Variants in SLC35D4 observed in about 807,000 individuals in gnomAD.
The protein encoded by SLC35D4 is UDP-N-acetylglucosamine transporter SLC35D4.
chr18:23,299,827 C>T, the SLC35D4 span, among the ~76,000 whole-genome samples: 5 of 152,228 alleles, frequency 3.3e-5, no homozygotes, highest in South Asian at 4.2e-4. Context: ...GAGAGGGAGC[C>T]GAGGGAGACT....
the SLC35D4 span, among the ~76,000 whole-genome samples, chr18:23,287,243 T>A: frequency 6.6e-6 from 1 of 152,290 alleles, no homozygotes; most frequent in East Asian, 1.9e-4. Flanking sequence ...GCCAAACCCA[T>A]ATACTCTCCT....
At chr18:23,303,802 G>A in the SLC35D4 span, among the ~76,000 whole-genome samples, 1 of 151,998 alleles carries the variant, frequency 6.6e-6, no homozygotes, top group Non-Finnish European at 1.5e-5. Context: ...TTGGGAAGCT[G>A]AGGCATGAGA....
At chr18:23,286,272 G>A in the SLC35D4 span, among the ~76,000 whole-genome samples, 1,612 of 152,240 alleles carry the variant, frequency 0.011, 26 homozygotes, top group African/African-American at 0.037. Context: ...AAACCGCAGT[G>A]GCCAGGCATT....
the SLC35D4 span, among the ~76,000 whole-genome samples, chr18:23,365,956 T>C: frequency 7.9e-4 from 121 of 152,362 alleles, no homozygotes; most frequent in African/African-American, 2.8e-3. Context: ...ACCCTAGTTA[T>C]GATCATACTC....
the SLC35D4 span, among the ~76,000 whole-genome samples, chr18:23,425,666 C>G: frequency 2.0e-5 from 3 of 152,164 alleles, no homozygotes; most frequent in Non-Finnish European, 2.9e-5. Context: ...AAGAGCAAAA[C>G]TCAAAAGCTG....
chr18:23,358,461 A>C, the SLC35D4 span, among the ~76,000 whole-genome samples: 6 of 151,262 alleles, frequency 4.0e-5, no homozygotes, highest in Non-Finnish European at 4.4e-5. Flanking sequence ...AGAAAAAAAA[A>C]CACAGTCCTC....
the SLC35D4 span, among the ~76,000 whole-genome samples, chr18:23,353,076 A>AGTGTGTGTGTGTGTGTGTGTGTGTGTGT: frequency 8.1e-4 from 103 of 126,580 alleles, 4 homozygotes; most frequent in East Asian, 2.9e-3. Context: ...TGAGACAGAC[A>AGTGTGTGTGTGTGTGTGTGTGTGTGTGT]GTGTGTGTGT....
the SLC35D4 span, among the ~76,000 whole-genome samples, chr18:23,274,537 C>T: frequency 6.6e-6 from 1 of 152,206 alleles, no homozygotes; most frequent in African/African-American, 2.4e-5. Flanking sequence ...CTAAAAGTCT[C>T]CATCCCCAGC....
chr18:23,318,563 C>T, the SLC35D4 span, among the ~76,000 whole-genome samples: 12 of 152,158 alleles, frequency 7.9e-5, no homozygotes, highest in Non-Finnish European at 1.3e-4. Context: ...ATAGATATAT[C>T]ATGGTTTCCT....
the SLC35D4 span, chr18:23,259,688 G>A: frequency 6.6e-6 from 1 of 152,278 alleles, no homozygotes; most frequent in East Asian, 1.9e-4. Context: ...GAGAGATGCA[G>A]GTCACTGCCA....
the SLC35D4 span, among the ~76,000 whole-genome samples, chr18:23,290,688 G>A: frequency 7.3e-5 from 11 of 150,644 alleles, no homozygotes; most frequent in African/African-American, 1.7e-4. Context: ...GTGCAATGGC[G>A]CATCCTTGAC....
chr18:23,270,486 A>G, the SLC35D4 span, among the ~76,000 whole-genome samples: 1 of 152,214 alleles, frequency 6.6e-6, no homozygotes, highest in Non-Finnish European at 1.5e-5. Flanking sequence ...CGCCTAGTGG[A>G]ACCATGAGAA....
the SLC35D4 span, among the ~76,000 whole-genome samples, chr18:23,408,656 A>G: frequency 6.6e-6 from 1 of 152,242 alleles, no homozygotes; most frequent in African/African-American, 2.4e-5. Context: ...ACAATTTCAA[A>G]TTCAATAAAC....
the SLC35D4 span, among the ~76,000 whole-genome samples, chr18:23,316,106 G>A: frequency 2.0e-5 from 3 of 152,216 alleles, no homozygotes; most frequent in Non-Finnish European, 4.4e-5. Context: ...GTTAACATGT[G>A]AGAGTTCTCT....
At chr18:23,403,518 G>A in the SLC35D4 span, among the ~76,000 whole-genome samples, 1 of 152,198 alleles carries the variant, frequency 6.6e-6, no homozygotes, top group African/African-American at 2.4e-5. Flanking sequence ...AGAAGAAATT[G>A]GAGGAAGGCA....
At chr18:23,302,326 C>T in the SLC35D4 span, among the ~76,000 whole-genome samples, 1 of 152,190 alleles carries the variant, frequency 6.6e-6, no homozygotes, top group Non-Finnish European at 1.5e-5. Flanking sequence ...CTCCACTAGC[C>T]CCCATGAACT....
At chr18:23,314,215 G>T in the SLC35D4 span, among the ~76,000 whole-genome samples, 2 of 152,194 alleles carry the variant, frequency 1.3e-5, no homozygotes, top group African/African-American at 2.4e-5. Flanking sequence ...AGCCATCCTT[G>T]CCTTCCTCTT....
At chr18:23,243,629 T>A in the SLC35D4 span, among the ~76,000 whole-genome samples, 1 of 152,002 alleles carries the variant, frequency 6.6e-6, no homozygotes, top group Admixed American at 6.5e-5. Flanking sequence ...TCCCAGCACT[T>A]TGGGAGGCCA....
chr18:23,242,310 A>ACC, the SLC35D4 span, among the ~76,000 whole-genome samples: 1 of 152,120 alleles, frequency 6.6e-6, no homozygotes, highest in Non-Finnish European at 1.5e-5. Flanking sequence ...GGTGTGCAAA[A>ACC]CAAATTGCAG....
Sources: allele counts gnomAD v4.1 joint callset (sites outside exome capture counted in the v4.1 genomes callset), GRCh38; gene constraint gnomAD v4.1.1; transcripts MANE v1.5; gene names NCBI Gene and HGNC (gene_info 2026-07-23, HGNC 2026-07-21).